The following TTC6 variants were observed in gnomAD, a reference collection of about 807,000 sequenced individuals.
TTC6 encodes the protein tetratricopeptide repeat protein 6.
A neutral mutation model predicts 210.4 loss-of-function variants in TTC6; 172 were observed. The ratio of observed to expected loss-of-function variants is 0.82; its 90% confidence interval spans 0.72 to 0.93. The LOEUF (loss-of-function observed/expected upper bound fraction) is 0.93. TTC6 is among the 40% of genes least tolerant of loss of function. The pLI is 0.00. For missense variants in TTC6, 2,414 were observed against 2,318.1 expected (o/e 1.04, Z -0.85); for synonymous variants, 804 against 819.6 (o/e 0.98, Z 0.32).
At chr14:37,842,003 G>A in intron 30 of TTC6, 152 bp from the exon 33 acceptor site, 1 of 675,278 alleles carries the variant, frequency 1.5e-6, no homozygotes, top group Non-Finnish European at 2.3e-6. Flanking sequence ...TCTGTTTGAA[G>A]AAAAGTGTTT....
At chr14:37,838,611 C>T (rs563142736) in intron 29 of TTC6, among the ~76,000 whole-genome samples, 6 of 152,088 alleles carry the variant, frequency 3.9e-5, no homozygotes, top group Admixed American at 3.3e-4. Context: ...TGAAAATTCC[C>T]TTGTGGTTGA....
chr14:37,598,199 G>A lies in TTC6; in HGVS notation c.-235+2191G>A, dbSNP rs866742229. ...TGCAAGGATTGTGCTGCTCGTTGGA[G>A]GAAACCAGGCCTGTCTTCAGCTGTG... is the stretch of plus-strand genomic sequence containing the variant. On this transcript the variant is annotated intron_variant, in intron 1 of 2. Coordinates refer to the TTC6 transcript ENST00000556845. This position sits in a 1 kb window ranked among gnomAD's most constrained non-coding sequence, Gnocchi z 4.9. Among the ~76,000 whole-genome samples, 3 of 152,198 alleles carry A rather than the reference G, an allele frequency of 2.0e-5. No homozygotes were observed. The highest frequency in any genetic ancestry group is 7.2e-5 in the African/African-American group (3 of 41,454).
intron 6 of TTC6, 121 bp from the exon 9 acceptor site, chr14:37,724,777 T>C (rs2138830397): frequency 1.9e-6 from 1 of 515,470 alleles, no homozygotes; most frequent in African/African-American, 2.0e-5. Flanking sequence ...TTATCCATAT[T>C]TTCAGAAGCT....
In TTC6 at chr14:37,792,248, TC is replaced by T; in HGVS notation, c.3558-15del. ...AAAAATGTTTAACAAGATTTCACTT[TC>T]TCATTTTTTTTTAGAACTATTACTT... On this transcript the variant is annotated splice_polypyrimidine_tract_variant and intron_variant, in intron 16 of 30. Transcript: ENST00000553443. 6.7e-7 allele frequency: 1 copy of T among 1,490,510 alleles called. No homozygotes were observed. The highest frequency in any genetic ancestry group is 8.9e-7 in the Non-Finnish European group (1 of 1,124,462). 92.3% of individuals were successfully genotyped at this position (1,490,510 alleles called of 1,614,324 possible).
chr14:37,668,562 G>A, intron 1 of TTC6, among the ~76,000 whole-genome samples: 1 of 135,608 alleles, frequency 7.4e-6, no homozygotes, highest in East Asian at 1.9e-4. Context: ...TTGAGTCCTA[G>A]GGTAGGAATT....
intron 4 of TTC6, among the ~76,000 whole-genome samples, chr14:37,699,718 C>T (rs753404730): frequency 6.6e-5 from 10 of 151,946 alleles, no homozygotes; most frequent in East Asian, 1.9e-4. Context: ...CAACCCTGTG[C>T]GGGGGAGAAA....
At chr14:37,624,866 C>T (rs1471054989) in intron 1 of TTC6, among the ~76,000 whole-genome samples, 1 of 152,070 alleles carries the variant, frequency 6.6e-6, no homozygotes, top group Non-Finnish European at 1.5e-5. Flanking sequence ...CGTGATCCGC[C>T]CGCCTCGGCC....
intron 1 of TTC6, among the ~76,000 whole-genome samples, chr14:37,671,707 C>G (rs1224346011): frequency 6.6e-6 from 1 of 152,098 alleles, no homozygotes; most frequent in Non-Finnish European, 1.5e-5. Context: ...TGATTTGGCT[C>G]TGTATCTCCA....
At chr14:37,769,948 A>G (rs2096012607) in intron 14 of TTC6, among the ~76,000 whole-genome samples, 1 of 151,924 alleles carries the variant, frequency 6.6e-6, no homozygotes, top group South Asian at 2.1e-4. Context: ...TTAGTGCTAT[A>G]AATTTCCCTC....
chr14:37,748,870 A>G, intron 10 of TTC6, 69 bp from the exon 13 acceptor site: 2 of 1,226,778 alleles, frequency 1.6e-6, no homozygotes, highest in South Asian at 1.8e-5. Context: ...TGTGTGGCTG[A>G]GTTGATTTAC....
chr14:37,682,513 A>G (rs1040940720), intron 2 of TTC6, among the ~76,000 whole-genome samples: 1 of 152,180 alleles, frequency 6.6e-6, no homozygotes, highest in Non-Finnish European at 1.5e-5. Context: ...TTTACCCTTA[A>G]CAACTGTGGG....
At chr14:37,715,009 A>G (rs1488591972) in intron 6 of TTC6, among the ~76,000 whole-genome samples, 1 of 152,104 alleles carries the variant, frequency 6.6e-6, no homozygotes, top group African/African-American at 2.4e-5. Flanking sequence ...GAGACCTCGT[A>G]TCTAAAAATA....
intron 20 of TTC6, among the ~76,000 whole-genome samples, chr14:37,798,248 T>C (rs915776611): frequency 6.6e-6 from 1 of 152,152 alleles, no homozygotes; most frequent in Middle Eastern, 3.2e-3. Flanking sequence ...CTTTATGATA[T>C]TGAATTCTTT....
At chr14:37,698,616 T>C (rs1401064176) in intron 4 of TTC6, among the ~76,000 whole-genome samples, 1 of 152,142 alleles carries the variant, frequency 6.6e-6, no homozygotes, top group Non-Finnish European at 1.5e-5. Context: ...TCTAAATGTT[T>C]AGACTTACCT....
intron 2 of TTC6, chr14:37,611,105 G>T (rs1376762826): frequency 6.6e-6 from 1 of 152,436 alleles, no homozygotes; most frequent in African/African-American, 2.4e-5. Flanking sequence ...AGGCTGCCCC[G>T]GAGCGGGTCC....
chr14:37,632,943 G>A (rs972526256), intron 1 of TTC6, among the ~76,000 whole-genome samples: 1 of 152,204 alleles, frequency 6.6e-6, no homozygotes, highest in Non-Finnish European at 1.5e-5. Context: ...CAGTGCCTCA[G>A]TAAGGGCAGA....
rs2095608398 is a variant in TTC6 at position 37,598,307 on chromosome 14, T to C, written c.-235+2299T>C. Among the ~76,000 whole-genome samples, 1 of 152,028 alleles carries C rather than the reference T, an allele frequency of 6.6e-6. No homozygotes were observed. Among genetic ancestry groups the C allele is most frequent in the Non-Finnish European group, 1.5e-5 (1 of 68,000 alleles). On this transcript the variant is annotated intron_variant, in intron 1 of 2. Transcript: ENST00000556845. The surrounding 1 kb of genome is among the most constrained non-coding windows in gnomAD (Gnocchi z 4.9). The stretch of plus-strand genomic sequence containing the variant: ...TGCGGTGTCCCGGGTTAAACTTGCC[T>C]GTGTTTAAGACGGGTCTGCGACAGC...
chr14:37,714,924 TC>T (rs996707402), intron 6 of TTC6, 128 bp downstream of exon 8: 1 of 832,170 alleles, frequency 1.2e-6, no homozygotes. Flanking sequence ...ACGCCTGTAA[TC>T]CCAGAACTTT....
At position 37,811,153 on chromosome 14, in the gene TTC6, T is replaced by A. The variant is rs562752335; in HGVS notation, c.4570-1161T>A. Reference sequence around the variant, plus strand: ...CTCGTTGACCTTTACGAAATCTTATTTCCCAGTTTTTATTTCCTCCTGTAT... The same window carrying A: ...CTCGTTGACCTTTACGAAATCTTATATCCCAGTTTTTATTTCCTCCTGTAT... On this transcript the variant is annotated intron_variant, in intron 24 of 30. Transcript: ENST00000553443. 2.4e-4 allele frequency among the ~76,000 whole-genome samples: 37 copies of A among 152,304 alleles called. 2 individuals are homozygous for A. The South Asian group carries it at 4.4e-3, about 18-fold the overall frequency.
Sources: gnomAD v4.1 joint callset for allele counts (sites outside exome capture counted in the v4.1 genomes callset) on GRCh38, gnomAD v4.1.1 for gene constraint, Gnocchi (gnomAD v3.1) non-coding constraint, MANE v1.5 for transcripts, NCBI Gene and HGNC (gene_info 2026-07-23, HGNC 2026-07-21) for gene names.